GREB1: variants seen among roughly 807,000 people sequenced by gnomAD.
The protein encoded by GREB1 is growth regulating estrogen receptor binding 1.
Under a neutral mutation model 200.7 loss-of-function variants are expected in GREB1, and 106 were observed. That is an observed-to-expected ratio of 0.53 (90% CI 0.45 to 0.62). The LOEUF (loss-of-function observed/expected upper bound fraction) is 0.62. GREB1 is among the 20% of genes least tolerant of loss of function. The pLI is 0.00. For synonymous variants in GREB1, 1,132 were observed against 1,092.4 expected (o/e 1.04, Z -0.72); for missense variants, 2,243 against 2,556.8 (o/e 0.88, Z 2.65).
At chr2:11,486,138 G>C (rs1279899824) in intron 1 of GREB1, among the ~76,000 whole-genome samples, 2 of 152,150 alleles carry the variant, frequency 1.3e-5, no homozygotes, top group Non-Finnish European at 2.9e-5. Context: ...CTGACTTTGG[G>C]CAGTTCATAG....
At chr2:11,500,195 G>A (rs1158488266) in intron 1 of GREB1, among the ~76,000 whole-genome samples, 2 of 151,132 alleles carry the variant, frequency 1.3e-5, no homozygotes, top group East Asian at 1.9e-4. Flanking sequence ...GGAGTCTCAC[G>A]CTGTTGCCCA....
In GREB1 at chr2:11,627,331, G is replaced by A. The variant is rs994466265; in HGVS notation, c.4449+227G>A. ...GTGTTTATCAGTGGCCAAGTTACCC[G>A]ACCGTGGAGGTGGTCGTCATCTTTA... On this transcript the variant is annotated intron_variant, in intron 25 of 32. Coordinates refer to ENST00000381486, the MANE Select transcript of GREB1 (RefSeq NM_014668.4). 4.3e-4 allele frequency among the ~76,000 whole-genome samples: 65 copies of A among 152,200 alleles called. 2 individuals carry two copies. Among genetic ancestry groups the A allele is most frequent in the Admixed American group, 4.3e-3 (65 of 15,274 alleles).
In GREB1 at chr2:11,633,149, C is replaced by A. The variant is rs1157749231; in HGVS notation, c.4991+86C>A. ...CCTCTTTGTATGGGGAATGTGCCCA[C>A]CCCTGGAAGACCGGAGGGCCTCTCA... On this transcript the variant is annotated intron_variant, in intron 28 of 32. Transcript: ENST00000381486. The surrounding 1 kb of genome is among the most constrained non-coding windows in gnomAD (Gnocchi z 4.1). The A allele has an allele frequency of 1.5e-6, 2 of 1,340,128 alleles. No individual in the cohort carries two copies. The highest frequency in any genetic ancestry group is 2.1e-6 in the Non-Finnish European group (2 of 944,632). 83.0% of individuals were successfully genotyped at this position (1,340,128 alleles called of 1,614,324 possible). A position where few individuals can be genotyped will look rare whatever the true frequency, so the allele number is the denominator to read the frequency against.
intron 1 of GREB1, among the ~76,000 whole-genome samples, chr2:11,553,383 C>T (rs1056796102): frequency 1.3e-5 from 2 of 152,118 alleles, no homozygotes; most frequent in Non-Finnish European, 2.9e-5. Context: ...CCTGTAGTGC[C>T]AGCCACTTGG....
chr2:11,542,580 A>C (rs1674861934), intron 1 of GREB1: 1 of 144,106 alleles, frequency 6.9e-6, no homozygotes. Flanking sequence ...CCCCAGGGAG[A>C]ACAAACCCAG....
At chr2:11,635,651 A>T (rs1685253811) in intron 30 of GREB1, among the ~76,000 whole-genome samples, 2 of 152,148 alleles carry the variant, frequency 1.3e-5, no homozygotes, top group African/African-American at 4.8e-5. Context: ...GCTACAACCA[A>T]GCCTTCCTGT....
rs746426526 is a variant in GREB1 at position 11,620,965 on chromosome 2, C to T, written c.4105C>T (p.Leu1369Phe). ...LSVLSRMLVRLTEVDVYDEEE... is the reference protein window; with the variant it reads ...LSVLSRMLVRFTEVDVYDEEE... ...TGTCCTGTCCAGGATGCTTGTTCGGCTCACAGAAGTGGATGTCTATGACGA... is the reference window on the plus strand; with the variant it reads ...TGTCCTGTCCAGGATGCTTGTTCGGTTCACAGAAGTGGATGTCTATGACGA... Residue 1369 changes from leucine to phenylalanine, a missense_variant, in exon 23 of 33, where the codon CTC (leucine) becomes TTC (phenylalanine). Physicochemically the swap from Leu to Phe is conservative, Grantham distance 22. Around this residue, in one of 3 missense-constraint regions of GREB1, gnomAD observed 587 missense variants for 553.1 expected, o/e 1.06. Transcript: ENST00000381486. 5 of 1,612,310 alleles carry T rather than the reference C, an allele frequency of 3.1e-6. No homozygotes were observed. The highest frequency in any genetic ancestry group is 4.2e-6 in the Non-Finnish European group (5 of 1,178,464).
At chr2:11,553,216 T>C (rs1676102784) in intron 1 of GREB1, among the ~76,000 whole-genome samples, 1 of 151,704 alleles carries the variant, frequency 6.6e-6, no homozygotes, top group Admixed American at 6.6e-5. Context: ...ATTTTGTGAG[T>C]ATGAAAACTT....
In GREB1 at chr2:11,596,249, G is replaced by A; in HGVS notation, c.1954+10G>A. ...ACACCGGTGTGCACAAGTGAGTGGT[G>A]AAAAGGAATCTCCCAGGGTGGAGAG... On this transcript the variant is annotated intron_variant, in intron 13 of 32. Coordinates refer to ENST00000381486, the MANE Select transcript of GREB1 (RefSeq NM_014668.4). The A allele has an allele frequency of 1.2e-6, 2 of 1,611,386 alleles. No individual in the cohort carries two copies. Among genetic ancestry groups the A allele is most frequent in the Non-Finnish European group, 1.7e-6 (2 of 1,178,252 alleles).
At position 11,632,335 on chromosome 2, in the gene GREB1, C is replaced by CTTTTTTTTT. The variant is rs567209224; in HGVS notation, c.4816+235_4816+243dup. Among the ~76,000 whole-genome samples the CTTTTTTTTT allele has an allele frequency of 1.3e-4, 15 of 112,178 alleles. 1 individual carries two copies. Among genetic ancestry groups the CTTTTTTTTT allele is most frequent in the Non-Finnish European group, 2.0e-4 (11 of 54,852 alleles). The allele number at this position is 112,178 out of a possible 152,430, so 73.6% of individuals were successfully genotyped here. On this transcript the variant is annotated intron_variant, in intron 27 of 32. Transcript: ENST00000381486. ...CGATATTTTCTTTCTTTCTTTCTCT[C>CTTTTTTTTT]TTTTTTTTTTTTTTTTTTTTTGAGA...
In GREB1 at chr2:11,593,050, G is replaced by A. The variant is rs2148187022; in HGVS notation, c.1620G>A (p.Lys540=). The change falls in exon 11 of 33, where the codon AAG becomes AAA. Residue 540 remains lysine, a synonymous_variant. Transcript: ENST00000381486. ...TGTTCCGGCTGTTGGTCGAGGGCAA[G>A]CTTGCCAAGACCAACTACGTGGTCA... ...SEMFRLLVEG[K]LAKTNYVVII... The A allele has an allele frequency of 6.2e-7, 1 of 1,613,118 alleles. No individual in the cohort carries two copies.
At chr2:11,532,056 C>G (rs1674093114), upstream of GREB1, among the ~76,000 whole-genome samples, 1 of 152,068 alleles carries the variant, frequency 6.6e-6, no homozygotes, top group Non-Finnish European at 1.5e-5. Context: ...TTTGAATATG[C>G]CATATTAAAT....
At chr2:11,556,219 C>T (rs1025839602) in intron 1 of GREB1, 1 of 154,324 alleles carries the variant, frequency 6.5e-6, no homozygotes, top group South Asian at 2.1e-4. Context: ...CATTTGCCGT[C>T]ACTTACAAGA....
chr2:11,508,720 G>T (rs1238445805), intron 1 of GREB1, among the ~76,000 whole-genome samples: 1 of 152,158 alleles, frequency 6.6e-6, no homozygotes, highest in African/African-American at 2.4e-5. Context: ...CCGTGTTGAA[G>T]ATTTCTCTTT....
intron 4 of GREB1, among the ~76,000 whole-genome samples, chr2:11,575,912 G>A (rs760085373): frequency 1.3e-5 from 2 of 152,202 alleles, no homozygotes; most frequent in Non-Finnish European, 2.9e-5. Context: ...CCTCAAGCAC[G>A]TTAAATCTTC....
At chr2:11,555,933 G>C (rs540845901) in intron 1 of GREB1, among the ~76,000 whole-genome samples, 9 of 152,072 alleles carry the variant, frequency 5.9e-5, no homozygotes, top group African/African-American at 1.9e-4. Flanking sequence ...GATTTTTGGG[G>C]GGATAGAAAA....
At chr2:11,532,144 T>C (rs1028199185), upstream of GREB1, among the ~76,000 whole-genome samples, 1 of 152,202 alleles carries the variant, frequency 6.6e-6, no homozygotes, top group African/African-American at 2.4e-5. Context: ...CTGAAGAGTT[T>C]AGCAAAGATC....
chr2:11,605,871 T>C (rs1313388545), intron 17 of GREB1, among the ~76,000 whole-genome samples: 1 of 152,212 alleles, frequency 6.6e-6, no homozygotes, highest in Non-Finnish European at 1.5e-5. Flanking sequence ...AGTTAGGTTG[T>C]TTTTCGGTTT....
chr2:11,493,967 A>G lies in GREB1; in HGVS notation c.-159+11586A>G, dbSNP rs1400778224. 6.6e-6 allele frequency among the ~76,000 whole-genome samples: 1 copy of G among 152,216 alleles called. No individual in the cohort carries two copies. The highest frequency in any genetic ancestry group is 2.4e-5 in the African/African-American group (1 of 41,438). Reference sequence around the variant, plus strand: ...AAATGAATCTGATGGAGAAAAGATGAAAGAAGAAATGAACAGTTGCTGACC... The same window carrying G: ...AAATGAATCTGATGGAGAAAAGATGGAAGAAGAAATGAACAGTTGCTGACC... On this transcript the variant is annotated intron_variant, in intron 1 of 2. Transcript: ENST00000628795. The surrounding 1 kb of genome is among the most constrained non-coding windows in gnomAD (Gnocchi z 4.6).
Sources: gnomAD v4.1 joint callset for allele counts (sites outside exome capture counted in the v4.1 genomes callset) on GRCh38, gnomAD v4.1.1 for gene constraint, gnomAD v4.1.1 regional missense constraint, Gnocchi (gnomAD v3.1) non-coding constraint, MANE v1.5 for transcripts, NCBI Gene and HGNC (gene_info 2026-07-23, HGNC 2026-07-21) for gene names.